The following SGCD variants were observed in gnomAD, a reference collection of about 807,000 sequenced individuals.
SGCD encodes the protein delta-sarcoglycan.
SGCD carries 18 observed loss-of-function variants against 36.6 expected under a neutral mutation model. That is an observed-to-expected ratio of 0.49 (90% CI 0.34 to 0.73). SGCD has a LOEUF of 0.73. Ranked by LOEUF, SGCD falls within the 30% of genes least tolerant of loss-of-function variation. SGCD has a pLI of 0.01. For synonymous variants in SGCD, 133 were observed against 130.6 expected (o/e 1.02, Z -0.12); for missense variants, 387 against 346.7 (o/e 1.12, Z -0.92).
intron 3 of SGCD, among the ~76,000 whole-genome samples, chr5:156,138,837 G>T (rs180778344): frequency 7.2e-5 from 11 of 152,218 alleles, no homozygotes; most frequent in Admixed American, 6.5e-4. Context: ...CTATTTTCTT[G>T]TCAATACTTG....
the SGCD span, among the ~76,000 whole-genome samples, chr5:155,808,941 GGCTTCT>G: frequency 6.6e-6 from 1 of 152,186 alleles, no homozygotes; most frequent in Non-Finnish European, 1.5e-5. Context: ...TATACTTCTA[GGCTTCT>G]TTATATAGTA....
chr5:156,001,784 A>G (rs142206899), intron 1 of SGCD, among the ~76,000 whole-genome samples: 120 of 152,358 alleles, frequency 7.9e-4, no homozygotes, highest in Middle Eastern at 3.4e-3. Flanking sequence ...AAAATAGGAA[A>G]TAAATGTAGC....
chr5:156,746,581 T>A (rs1000320875), intron 7 of SGCD, among the ~76,000 whole-genome samples: 2 of 152,230 alleles, frequency 1.3e-5, no homozygotes, highest in African/African-American at 4.8e-5. Flanking sequence ...TCCACACATA[T>A]ATGCTTAATT....
chr5:156,438,662 C>T (rs1002377867), intron 3 of SGCD, among the ~76,000 whole-genome samples: 4 of 152,092 alleles, frequency 2.6e-5, no homozygotes, highest in African/African-American at 9.7e-5. Context: ...TAATCATATT[C>T]TACCAACTCT....
At chr5:156,302,029 G>A (rs1767066869) in intron 3 of SGCD, among the ~76,000 whole-genome samples, 2 of 151,942 alleles carry the variant, frequency 1.3e-5, no homozygotes, top group Admixed American at 1.3e-4. Context: ...TAAGCTTCTT[G>A]TACTTGAATA....
rs182464086 is a variant in SGCD, at chr5:156,309,265, G to A, written c.-43-20269G>A. On this transcript the variant is annotated intron_variant, in intron 3 of 9. Transcript: ENST00000517913. Reference sequence around the variant, plus strand: ...TCTCTCTTTTTTCCATCTAGAAAATGATGCATATATTTATCTGCTTGAAGA... The same window carrying A: ...TCTCTCTTTTTTCCATCTAGAAAATAATGCATATATTTATCTGCTTGAAGA... Among the ~76,000 whole-genome samples the A allele has an allele frequency of 2.0e-5, 3 of 152,082 alleles. No individual in the cohort carries two copies. In the East Asian group the frequency reaches 5.8e-4, roughly 29 times the overall value.
chr5:155,778,875 C>T, the SGCD span, among the ~76,000 whole-genome samples: 1 of 152,074 alleles, frequency 6.6e-6, no homozygotes, highest in African/African-American at 2.4e-5. Flanking sequence ...ATGTCTTTGG[C>T]AATAGTCACT....
intron 1 of SGCD, among the ~76,000 whole-genome samples, chr5:155,905,649 C>T (rs1756491792): frequency 6.6e-6 from 1 of 152,076 alleles, no homozygotes; most frequent in Non-Finnish European, 1.5e-5. Flanking sequence ...ATTGTATCTC[C>T]CAGGATTCCC....
chr5:156,648,721 C>A (rs1467529746), intron 7 of SGCD, among the ~76,000 whole-genome samples: 1 of 152,196 alleles, frequency 6.6e-6, no homozygotes, highest in African/African-American at 2.4e-5. Flanking sequence ...AGAGCTTCCA[C>A]ATGCCTGAAC....
chr5:156,716,786 C>T (rs2113767933), intron 7 of SGCD, among the ~76,000 whole-genome samples: 1 of 152,302 alleles, frequency 6.6e-6, no homozygotes, highest in South Asian at 2.1e-4. Context: ...GAAACACAGC[C>T]CATCCCCTGT....
At chr5:155,907,160 T>C (rs914364376) in intron 1 of SGCD, among the ~76,000 whole-genome samples, 1 of 152,090 alleles carries the variant, frequency 6.6e-6, no homozygotes, top group African/African-American at 2.4e-5. Context: ...AGTTTATCTG[T>C]TTACAGCATG....
intron 4 of SGCD, among the ~76,000 whole-genome samples, chr5:156,520,271 T>C (rs2113030595): frequency 7.1e-6 from 1 of 141,638 alleles, no homozygotes; most frequent in South Asian, 2.3e-4. Context: ...TTACAATTGC[T>C]ACAAAGAGAA....
At chr5:155,731,904 C>T in the SGCD span, among the ~76,000 whole-genome samples, 3 of 151,990 alleles carry the variant, frequency 2.0e-5, no homozygotes, top group Admixed American at 2.0e-4. Context: ...TAGCACCCTT[C>T]TCTAATTTGT....
At chr5:156,512,104 G>A (rs1224423248) in intron 4 of SGCD, among the ~76,000 whole-genome samples, 1 of 141,904 alleles carries the variant, frequency 7.0e-6, no homozygotes, top group Non-Finnish European at 1.5e-5. Flanking sequence ...TGAGGCAGGA[G>A]AATCACTTGA....
chr5:156,180,524 C>CAAAT (rs1283906364), intron 3 of SGCD, among the ~76,000 whole-genome samples: 1 of 152,060 alleles, frequency 6.6e-6, no homozygotes, highest in African/African-American at 2.4e-5. Flanking sequence ...GCTCCAGCTA[C>CAAAT]AAATATTAAG....
intron 7 of SGCD, among the ~76,000 whole-genome samples, chr5:156,694,818 C>T (rs1754245184): frequency 6.6e-6 from 1 of 151,974 alleles, no homozygotes; most frequent in African/African-American, 2.4e-5. Flanking sequence ...CATCTTTATG[C>T]CAGCTGACTT....
At chr5:156,712,983 C>G (rs1035611270) in intron 7 of SGCD, among the ~76,000 whole-genome samples, 1 of 152,162 alleles carries the variant, frequency 6.6e-6, no homozygotes, top group African/African-American at 2.4e-5. Flanking sequence ...GAGACAAATG[C>G]TTCCCACATG....
At chr5:156,070,372 G>T (rs1410959551) in intron 1 of SGCD, among the ~76,000 whole-genome samples, 1 of 150,554 alleles carries the variant, frequency 6.6e-6, no homozygotes, top group Non-Finnish European at 1.5e-5. Flanking sequence ...GGCCTTTTCT[G>T]CATCTATTGA....
the SGCD span, among the ~76,000 whole-genome samples, chr5:155,737,695 C>T: frequency 6.7e-6 from 1 of 150,042 alleles, no homozygotes; most frequent in Non-Finnish European, 1.5e-5. Context: ...AGGCTCATGA[C>T]ACCCACTCAT....
Sources: allele counts gnomAD v4.1 joint callset (sites outside exome capture counted in the v4.1 genomes callset), GRCh38; gene constraint gnomAD v4.1.1; transcripts MANE v1.5; gene names NCBI Gene and HGNC (gene_info 2026-07-23, HGNC 2026-07-21).